Variants in BPHL observed in about 807,000 individuals in gnomAD.
The protein encoded by BPHL is serine hydrolase BPHL.
BPHL carries 27 observed loss-of-function variants against 31.2 expected under a neutral mutation model. The ratio of observed to expected loss-of-function variants is 0.87; its 90% CI spans 0.64 to 1.19. BPHL has a LOEUF of 1.19. Among genes scored for constraint, BPHL ranks in the 50% most tolerant of loss-of-function variants. The probability of loss-of-function intolerance (pLI) is 0.00; values close to 1 mark genes in which losing one functional copy is unlikely to be tolerated. For synonymous variants in BPHL, 150 were observed against 146.8 expected, an observed-to-expected ratio of 1.02 and a Z score of -0.16; for missense variants, 356 against 375.7, an observed-to-expected ratio of 0.95 and a Z score of 0.43.
intron 2 of BPHL, among the ~76,000 whole-genome samples, chr6:3,126,409 G>A (rs1417771517): frequency 6.6e-6 from 1 of 152,080 alleles, no homozygotes; most frequent in African/African-American, 2.4e-5. Flanking sequence ...GAATTAATTT[G>A]TATACAGTTT....
Position 3,118,798 on chromosome 6 carries a change from C to G in BPHL, c.58C>G (p.Leu20Val). ...VLRLRLLLSA[L>V]KPGIHVPRAG... ...GCGCCTGCGGCTGCTTCTCTCAGCG[C>G]TGAAGCCCGGGATCCACGTCCCACG... The change falls in exon 1 of 7, where the codon CTG becomes GTG. Residue 20 changes from leucine to valine, a missense_variant. Physicochemically the swap from Leu to Val is conservative, Grantham distance 32. Coordinates refer to ENST00000380379, the MANE Select transcript of BPHL (RefSeq NM_004332.4). The G allele has an allele frequency of 8.0e-7, 1 of 1,246,964 alleles. No individual in the cohort carries two copies. The highest frequency in any genetic ancestry group is 1.0e-6 in the Non-Finnish European group (1 of 992,110). 77.2% of individuals were successfully genotyped at this position (1,246,964 alleles called of 1,614,324 possible). A position where few individuals can be genotyped will look rare whatever the true frequency, so the allele number is the denominator to read the frequency against.
At chr6:3,142,462 A>G (rs1015565048) in intron 6 of BPHL, among the ~76,000 whole-genome samples, 3 of 152,200 alleles carry the variant, frequency 2.0e-5, no homozygotes, top group Admixed American at 2.0e-4. Flanking sequence ...TTTTGATTGT[A>G]TACGTTTGCA....
chr6:3,130,989 G>A (rs554694626), intron 4 of BPHL, among the ~76,000 whole-genome samples: 16 of 152,054 alleles, frequency 1.1e-4, no homozygotes, highest in Admixed American at 3.3e-4. Flanking sequence ...GTCCCCTCCC[G>A]CGGCCTCTAG....
intron 4 of BPHL, among the ~76,000 whole-genome samples, chr6:3,129,557 C>G (rs919757025): frequency 4.6e-5 from 7 of 151,974 alleles, no homozygotes; most frequent in African/African-American, 1.2e-4. Flanking sequence ...GCCTGTAATC[C>G]CAGCACTTTG....
intron 6 of BPHL, among the ~76,000 whole-genome samples, chr6:3,143,603 G>A (rs1369665241): frequency 6.6e-6 from 1 of 152,202 alleles, no homozygotes; most frequent in Admixed American, 6.5e-5. Context: ...CAGCAGTGAT[G>A]GGGAGCAGGC....
upstream of BPHL, chr6:3,118,401 C>T (rs1020634421): frequency 4.5e-6 from 1 of 223,070 alleles, no homozygotes; most frequent in East Asian, 8.9e-5. Flanking sequence ...CTATGGCTGG[C>T]GGCCTCGCCT....
chr6:3,151,497 A>G (rs1378995044), intron 6 of BPHL, among the ~76,000 whole-genome samples: 1 of 152,114 alleles, frequency 6.6e-6, no homozygotes, highest in African/African-American at 2.4e-5. Context: ...GAGGCCCAGC[A>G]TCTTCCAAGC....
intron 1 of BPHL, among the ~76,000 whole-genome samples, chr6:3,122,362 G>A (rs938239560): frequency 6.6e-6 from 1 of 152,184 alleles, no homozygotes; most frequent in African/African-American, 2.4e-5. Flanking sequence ...AGAAGAGAGC[G>A]CCTCCTTCTG....
Position 3,129,195 on chromosome 6 carries a change from G to T in BPHL, c.529G>T (p.Glu177Ter). 1.3e-6 allele frequency: 2 copies of T among 1,575,418 alleles called. No individual in the cohort carries two copies. The highest frequency in any genetic ancestry group is 1.2e-5 in the South Asian group (1 of 84,616). ...CACTGACGAAGACAGCATGATATAT[G>T]AGGGTAGGTTCTGCGAAGGGGAGAT... Reference protein sequence around the residue: ...YVTDEDSMIYEGIRDVSKWSE... With the variant: ...YVTDEDSMIY The change falls in exon 4 of 7, where the codon GAG (glutamate) becomes TAG (stop). Residue 177 changes from glutamate to a stop codon, truncating the protein, a stop_gained. Coordinates refer to ENST00000380379, the MANE Select transcript of BPHL (RefSeq NM_004332.4). LOFTEE classifies it high-confidence loss of function.
chr6:3,125,399 AT>A (rs1761686682), intron 2 of BPHL, among the ~76,000 whole-genome samples: 1 of 152,082 alleles, frequency 6.6e-6, no homozygotes, highest in African/African-American at 2.4e-5. Flanking sequence ...ATTAAAAAAA[AT>A]GGACCAGAGG....
intron 4 of BPHL, among the ~76,000 whole-genome samples, chr6:3,133,175 A>C (rs1761918594): frequency 6.6e-6 from 1 of 152,194 alleles, no homozygotes; most frequent in Admixed American, 6.5e-5. Context: ...GGGGGCTCAC[A>C]AAAGTGAGGA....
intron 4 of BPHL, among the ~76,000 whole-genome samples, 178 bp from the exon 5 acceptor site, chr6:3,137,175 GCCCTGGGTC>G (rs888783923): frequency 4.6e-5 from 7 of 151,974 alleles, no homozygotes; most frequent in Non-Finnish European, 7.4e-5. Context: ...CAGGCACTCA[GCCCTGGGTC>G]CAGAAGGCAC....
chr6:3,123,800 A>C, intron 2 of BPHL, 40 bp downstream of exon 2: 1 of 1,529,394 alleles, frequency 6.5e-7, no homozygotes, highest in Non-Finnish European at 9.0e-7. Context: ...GCATGCTGTA[A>C]AATCTATGAT....
At chr6:3,148,026 G>A (rs1762428270) in intron 6 of BPHL, among the ~76,000 whole-genome samples, 1 of 152,230 alleles carries the variant, frequency 6.6e-6, no homozygotes, top group South Asian at 2.1e-4. Context: ...TCAGTCAGTG[G>A]ATTCAAATGC....
chr6:3,136,476 C>T (rs1762019877), intron 4 of BPHL, among the ~76,000 whole-genome samples: 1 of 152,320 alleles, frequency 6.6e-6, no homozygotes, highest in South Asian at 2.1e-4. Flanking sequence ...AATGGGGGAT[C>T]CGCCCTCCTC....
At chr6:3,119,252 A>G in intron 1 of BPHL, 1 of 1,523,912 alleles carries the variant, frequency 6.6e-7, no homozygotes, top group Non-Finnish European at 8.8e-7. Context: ...CTAAGGGCAT[A>G]AGGACAATAA....
chr6:3,151,213 A>C (rs1262010583), intron 6 of BPHL, among the ~76,000 whole-genome samples: 1 of 152,116 alleles, frequency 6.6e-6, no homozygotes, highest in East Asian at 1.9e-4. Flanking sequence ...CATCCTTGGC[A>C]ATTCGTTCTT....
At chr6:3,119,549 C>G (rs371854927) in intron 1 of BPHL, 16 of 1,612,498 alleles carry the variant, frequency 9.9e-6, no homozygotes, top group Admixed American at 1.7e-5. Flanking sequence ...TAATTTCTGA[C>G]CTTCTGTCTT....
Position 3,153,079 on chromosome 6 carries a change from CT to C in BPHL, c.*506del. ...AATAAAAAAGGAATAAAGCCTCTAA[CT>C]TCAATAGCTATGAAAATTAAATCCG... On this transcript the variant is annotated 3_prime_UTR_variant, in exon 7 of 7. Coordinates refer to ENST00000380379, the MANE Select transcript of BPHL (RefSeq NM_004332.4). 1 of 152,200 alleles carries C rather than the reference CT, an allele frequency of 6.6e-6. No homozygotes were observed. Among genetic ancestry groups the C allele is most frequent in the African/African-American group, 2.4e-5 (1 of 41,506 alleles). The allele number at this position is 152,200 out of a possible 1,614,324, so 9.4% of individuals were successfully genotyped here.
Sources: allele counts gnomAD v4.1 joint callset (sites outside exome capture counted in the v4.1 genomes callset), GRCh38; gene constraint gnomAD v4.1.1; transcripts MANE v1.5; gene names NCBI Gene and HGNC (gene_info 2026-07-23, HGNC 2026-07-21).